NCKAP5: variants seen among roughly 807,000 people sequenced by gnomAD.
NCKAP5 encodes the protein NCK associated protein 5, also known as nck-associated protein 5.
In NCKAP5, 92 loss-of-function variants were observed where a neutral mutation model predicts 167.0. The observed-to-expected ratio is 0.55, with a 90% CI of 0.47 to 0.66. NCKAP5 has a LOEUF of 0.66. NCKAP5 is among the 30% of genes least tolerant of loss of function. NCKAP5 has a pLI of 0.00. For synonymous variants in NCKAP5, 891 were observed against 877.4 expected, an observed-to-expected ratio of 1.02 and a Z score of -0.27; for missense variants, 2,378 against 2,315.0, an observed-to-expected ratio of 1.03 and a Z score of -0.56.
chr2:132,749,382 T>C (rs1679915053), intron 16 of NCKAP5, among the ~76,000 whole-genome samples: 1 of 152,056 alleles, frequency 6.6e-6, no homozygotes, highest in South Asian at 2.1e-4. Context: ...TTTTGTATTT[T>C]TTGTAGAGAC....
At chr2:132,718,546 GT>G (rs1689596044) in intron 19 of NCKAP5, among the ~76,000 whole-genome samples, 1 of 152,172 alleles carries the variant, frequency 6.6e-6, no homozygotes, top group Admixed American at 6.5e-5. Context: ...CCTCCATGAA[GT>G]TTCATCATTG....
chr2:133,204,430 T>C (rs1299273255), intron 5 of NCKAP5, among the ~76,000 whole-genome samples: 1 of 152,198 alleles, frequency 6.6e-6, no homozygotes, highest in Non-Finnish European at 1.5e-5. Flanking sequence ...GTTAGATTTT[T>C]TTATGTTGTT....
At chr2:133,480,092 C>T (rs921773592) in intron 3 of NCKAP5, among the ~76,000 whole-genome samples, 14 of 151,824 alleles carry the variant, frequency 9.2e-5, no homozygotes, top group Admixed American at 8.5e-4. Flanking sequence ...CCACCATGCC[C>T]GGCTAATTTT....
intron 3 of NCKAP5, among the ~76,000 whole-genome samples, chr2:133,439,663 C>T (rs1228777737): frequency 6.6e-6 from 1 of 152,200 alleles, no homozygotes; most frequent in Non-Finnish European, 1.5e-5. Context: ...GACCTGCCCT[C>T]TCTTCTGACT....
chr2:133,622,365 T>C, the NCKAP5 span, among the ~76,000 whole-genome samples: 2 of 152,144 alleles, frequency 1.3e-5, no homozygotes, highest in Non-Finnish European at 2.9e-5. Flanking sequence ...GCTGATGATA[T>C]GATTGTATAC....
intron 16 of NCKAP5, among the ~76,000 whole-genome samples, chr2:132,756,165 G>A (rs1412006392): frequency 6.6e-6 from 1 of 152,078 alleles, no homozygotes; most frequent in East Asian, 1.9e-4. Context: ...TGCAAAACTT[G>A]AGGCAAATAC....
intron 4 of NCKAP5, among the ~76,000 whole-genome samples, chr2:133,241,326 C>T (rs769398767): frequency 6.6e-6 from 1 of 152,212 alleles, no homozygotes; most frequent in Non-Finnish European, 1.5e-5. Flanking sequence ...GACACACTCA[C>T]ATCACATGCT....
chr2:132,726,246 A>G (rs1690448000), intron 18 of NCKAP5, among the ~76,000 whole-genome samples: 2 of 152,244 alleles, frequency 1.3e-5, no homozygotes, highest in South Asian at 4.1e-4. Context: ...ATTTTCTTTC[A>G]GCTCCCAAAA....
the NCKAP5 span, among the ~76,000 whole-genome samples, chr2:133,603,243 T>TTTTAA: frequency 7.2e-6 from 1 of 138,378 alleles, no homozygotes; most frequent in Non-Finnish European, 1.6e-5. Flanking sequence ...TTTTTTTTTT[T>TTTTAA]AAGACAGAGT....
intron 4 of NCKAP5, among the ~76,000 whole-genome samples, chr2:133,278,256 G>C (rs1193009438): frequency 6.6e-6 from 1 of 152,176 alleles, no homozygotes; most frequent in Non-Finnish European, 1.5e-5. Context: ...CTGTAGATTA[G>C]AAGCCCCACA....
chr2:133,207,361 T>G (rs1395660408), intron 5 of NCKAP5, among the ~76,000 whole-genome samples: 1 of 152,180 alleles, frequency 6.6e-6, no homozygotes, highest in East Asian at 1.9e-4. Context: ...TGTATTGAGA[T>G]TTGTTTTCCC....
chr2:132,884,215 A>G (rs1326542843), intron 8 of NCKAP5, among the ~76,000 whole-genome samples: 1 of 152,224 alleles, frequency 6.6e-6, no homozygotes, highest in African/African-American at 2.4e-5. Flanking sequence ...GACATCTGCC[A>G]CACAGCACGA....
intron 3 of NCKAP5, among the ~76,000 whole-genome samples, chr2:133,427,228 T>G (rs1286584283): frequency 6.6e-6 from 1 of 152,152 alleles, no homozygotes; most frequent in Non-Finnish European, 1.5e-5. Flanking sequence ...AAGACTAAGA[T>G]AACAGACATA....
intron 3 of NCKAP5, among the ~76,000 whole-genome samples, chr2:133,445,026 A>G (rs1338794345): frequency 6.6e-6 from 1 of 152,224 alleles, no homozygotes; most frequent in African/African-American, 2.4e-5. Context: ...TGAGGACACT[A>G]AACATTTTCT....
intron 3 of NCKAP5, among the ~76,000 whole-genome samples, chr2:133,414,637 T>C (rs1574912796): frequency 6.6e-6 from 1 of 152,314 alleles, no homozygotes; most frequent in Middle Eastern, 3.4e-3. Flanking sequence ...GCTCAATATA[T>C]GGTCCAACCT....
chr2:133,443,677 G>T (rs1412347965), intron 3 of NCKAP5, among the ~76,000 whole-genome samples: 1 of 152,110 alleles, frequency 6.6e-6, no homozygotes, highest in Non-Finnish European at 1.5e-5. Flanking sequence ...TCCATCAACT[G>T]CAGCTCCAGC....
intron 5 of NCKAP5, among the ~76,000 whole-genome samples, chr2:133,159,419 G>T (rs1269600595): frequency 6.6e-6 from 1 of 151,894 alleles, no homozygotes; most frequent in Non-Finnish European, 1.5e-5. Flanking sequence ...ACCCGTCAAG[G>T]TATCCCAGAC....
chr2:132,847,895 G>A (rs1265676644), intron 11 of NCKAP5, among the ~76,000 whole-genome samples: 1 of 152,200 alleles, frequency 6.6e-6, no homozygotes, highest in Non-Finnish European at 1.5e-5. Flanking sequence ...GACTGAGAAG[G>A]ATTGATTGGG....
the NCKAP5 span, among the ~76,000 whole-genome samples, chr2:133,619,331 T>G: frequency 6.6e-6 from 1 of 150,948 alleles, no homozygotes; most frequent in African/African-American, 2.4e-5. Context: ...AAATAAAAAA[T>G]CAAAAATATG....
Sources: gnomAD v4.1 joint callset for allele counts (sites outside exome capture counted in the v4.1 genomes callset) on GRCh38, gnomAD v4.1.1 for gene constraint, MANE v1.5 for transcripts, NCBI Gene and HGNC (gene_info 2026-07-23, HGNC 2026-07-21) for gene names.